EYS: variants seen among roughly 807,000 people sequenced by gnomAD.
EYS encodes the protein protein eyes shut homolog.
A neutral mutation model predicts 282.1 loss-of-function variants in EYS; 250 were observed. That is an observed-to-expected ratio of 0.89 (90% confidence interval 0.80 to 0.98). EYS has a LOEUF of 0.98. EYS is among the 50% of genes least tolerant of loss of function. EYS has a pLI of 0.00. For synonymous variants in EYS, 1,355 were observed against 1,282.9 expected (o/e 1.06, Z -1.20); for missense variants, 4,016 against 3,709.0 (o/e 1.08, Z -2.15).
chr6:64,010,086 T>C (rs1768537245), intron 33 of EYS, among the ~76,000 whole-genome samples: 1 of 151,988 alleles, frequency 6.6e-6, no homozygotes, highest in African/African-American at 2.4e-5. Context: ...ACTCCTGGCT[T>C]TTTCTCTCTG....
intron 31 of EYS, among the ~76,000 whole-genome samples, chr6:64,215,327 TG>T (rs150198434): frequency 0.044 from 6,673 of 152,068 alleles, 235 homozygotes; most frequent in Non-Finnish European, 0.07. Flanking sequence ...TTTTTTCAAG[TG>T]TATTTGTAAA....
At chr6:65,112,509 A>G (rs1775241904) in intron 12 of EYS, among the ~76,000 whole-genome samples, 1 of 152,116 alleles carries the variant, frequency 6.6e-6, no homozygotes, top group South Asian at 2.1e-4. Context: ...TCTCTCTGCT[A>G]TTTTAAAAAT....
chr6:64,851,356 C>A (rs1372768006), intron 19 of EYS, among the ~76,000 whole-genome samples: 2 of 152,032 alleles, frequency 1.3e-5, no homozygotes, highest in Non-Finnish European at 2.9e-5. Context: ...GCCTATCCCA[C>A]CATAAAATGT....
chr6:65,031,088 A>C (rs978353038), intron 13 of EYS, among the ~76,000 whole-genome samples: 1 of 150,824 alleles, frequency 6.6e-6, no homozygotes, highest in Non-Finnish European at 1.5e-5. Context: ...ACAAGAAGAC[A>C]TAACCATTCT....
At chr6:64,395,048 C>G (rs898028931) in intron 28 of EYS, among the ~76,000 whole-genome samples, 1 of 152,146 alleles carries the variant, frequency 6.6e-6, no homozygotes, top group Admixed American at 6.5e-5. Context: ...TCATCACTGG[C>G]CATCAGAGAG....
rs371245395 is a variant in EYS, at chr6:65,381,833, A to C, written c.1299+2553T>G. On this transcript the variant is annotated intron_variant, in intron 8 of 42. Coordinates refer to ENST00000503581, the MANE Select transcript of EYS (RefSeq NM_001142800.2). Reference sequence around the variant, plus strand: ...ACCCCACCATGAAAGAGGATTTATTAATTTCTTAATTTTAAGAATTTTAAA... The same window carrying C: ...ACCCCACCATGAAAGAGGATTTATTCATTTCTTAATTTTAAGAATTTTAAA... Among the ~76,000 whole-genome samples the C allele has an allele frequency of 4.2e-4, 64 of 152,054 alleles. No homozygotes were observed. In the South Asian group the frequency reaches 0.013, roughly 31 times the overall value.
chr6:63,765,734 T>C (rs938962980), intron 40 of EYS, among the ~76,000 whole-genome samples: 2 of 152,056 alleles, frequency 1.3e-5, no homozygotes, highest in Non-Finnish European at 2.9e-5. Context: ...CCAATACTAG[T>C]CCTTGCTCAT....
intron 8 of EYS, among the ~76,000 whole-genome samples, chr6:65,368,284 A>G (rs1764992254): frequency 6.6e-6 from 1 of 151,398 alleles, no homozygotes; most frequent in Non-Finnish European, 1.5e-5. Context: ...ACACAGAAAA[A>G]CCATGTTAAT....
chr6:65,696,479 G>A (rs1769461064), intron 1 of EYS, among the ~76,000 whole-genome samples: 3 of 151,860 alleles, frequency 2.0e-5, no homozygotes, highest in Admixed American at 2.0e-4. Context: ...ATTTTGTGTG[G>A]TTGTTCTTAA....
intron 29 of EYS, chr6:64,377,696 T>C (rs556118304): frequency 6.6e-6 from 1 of 152,050 alleles, no homozygotes; most frequent in Non-Finnish European, 1.5e-5. Context: ...AAAGTTGTGT[T>C]TTTGATTTTT....
intron 12 of EYS, among the ~76,000 whole-genome samples, chr6:65,087,759 T>C (rs1298641943): frequency 6.6e-6 from 1 of 152,214 alleles, no homozygotes; most frequent in African/African-American, 2.4e-5. Context: ...CTTCCATTTG[T>C]GATTTTCTGA....
intron 22 of EYS, among the ~76,000 whole-genome samples, chr6:64,693,416 A>T (rs1770468991): frequency 6.6e-6 from 1 of 152,148 alleles, no homozygotes; most frequent in African/African-American, 2.4e-5. Context: ...CTGTAATGAA[A>T]ATGAGCTATT....
intron 29 of EYS, among the ~76,000 whole-genome samples, chr6:64,307,421 T>C (rs1052391067): frequency 2.6e-5 from 4 of 152,068 alleles, no homozygotes; most frequent in Admixed American, 1.3e-4. Flanking sequence ...CTGAAAGATA[T>C]TATGCTAAGT....
chr6:63,871,605 T>A (rs576461869), intron 35 of EYS, among the ~76,000 whole-genome samples: 2 of 152,114 alleles, frequency 1.3e-5, no homozygotes, highest in South Asian at 4.2e-4. Flanking sequence ...GAGGTTTCAG[T>A]GAGCCGAGAT....
At chr6:65,577,027 C>A in intron 2 of EYS, among the ~76,000 whole-genome samples, 1 of 151,690 alleles carries the variant, frequency 6.6e-6, no homozygotes, top group Admixed American at 6.6e-5. Context: ...CAATTTACAT[C>A]AAAATTTCAA....
At chr6:64,454,218 G>A (rs1170313387) in intron 26 of EYS, among the ~76,000 whole-genome samples, 1 of 152,000 alleles carries the variant, frequency 6.6e-6, no homozygotes, top group Non-Finnish European at 1.5e-5. Flanking sequence ...CTGTTTCTGG[G>A]CTCATTATCC....
At chr6:63,955,975 C>T (rs1765799788) in intron 35 of EYS, among the ~76,000 whole-genome samples, 1 of 152,126 alleles carries the variant, frequency 6.6e-6, no homozygotes, top group South Asian at 2.1e-4. Flanking sequence ...AATATCACCC[C>T]TTACCACAAA....
chr6:64,937,099 A>C (rs1768933470), intron 15 of EYS, among the ~76,000 whole-genome samples: 1 of 151,536 alleles, frequency 6.6e-6, no homozygotes, highest in South Asian at 2.1e-4. Flanking sequence ...CATGTGTAGA[A>C]GAATGAGGCT....
At chr6:65,538,666 C>T (rs1056439340) in intron 2 of EYS, among the ~76,000 whole-genome samples, 1 of 152,052 alleles carries the variant, frequency 6.6e-6, no homozygotes, top group African/African-American at 2.4e-5. Context: ...TATAATGACC[C>T]ATTTATCCAT....
Sources: allele counts gnomAD v4.1 joint callset (sites outside exome capture counted in the v4.1 genomes callset), GRCh38; gene constraint gnomAD v4.1.1; transcripts MANE v1.5; gene names NCBI Gene and HGNC (gene_info 2026-07-23, HGNC 2026-07-21).